Variants in CFD observed in about 807,000 individuals in gnomAD.
The protein encoded by CFD is C3 convertase activator.
In CFD, 24 loss-of-function variants were observed where a neutral mutation model predicts 21.1. That is an observed-to-expected ratio of 1.14 (90% CI 0.82 to 1.60). CFD has a LOEUF of 1.60. Ranked by LOEUF, CFD falls within the 40% of genes most tolerant of loss-of-function variation. CFD has a pLI of 0.00. For synonymous variants in CFD, 242 were observed against 175.9 expected, an observed-to-expected ratio of 1.38 and a Z score of -2.97; for missense variants, 535 against 383.3, an observed-to-expected ratio of 1.40 and a Z score of -3.31.
intron 4 of CFD, among the ~76,000 whole-genome samples, chr19:862,168 G>A (rs907718980): frequency 9.9e-5 from 14 of 141,142 alleles, no homozygotes; most frequent in African/African-American, 2.7e-4. Context: ...GTGGGGCCTT[G>A]GGGGCGAGGC....
rs1212301073 is a variant in CFD at position 863,121 on chromosome 19, G to A, written c.645G>A (p.Gly215=). ...KGDSGGPLVC[G]GVLEGVVTSG... The stretch of plus-strand genomic sequence containing the variant: ...ACTCCGGGGGCCCGCTGGTGTGCGG[G>A]GGCGTGCTCGAGGGCGTGGTCACCT... The change falls in exon 5 of 5, where the codon GGG becomes GGA. Residue 215 remains glycine, a synonymous_variant. Coordinates refer to ENST00000327726, the MANE Select transcript of CFD (RefSeq NM_001928.4). The A allele has an allele frequency of 6.5e-7, 1 of 1,531,678 alleles. No individual in the cohort carries two copies. Among genetic ancestry groups the A allele is most frequent in the Non-Finnish European group, 8.7e-7 (1 of 1,143,238 alleles). The allele number at this position is 1,531,678 out of a possible 1,614,324, so 94.9% of individuals were successfully genotyped here.
intron 3 of CFD, 87 bp from the exon 4 acceptor site, chr19:861,612 C>T: frequency 6.1e-6 from 9 of 1,487,074 alleles, no homozygotes; most frequent in Non-Finnish European, 8.1e-6. Context: ...ATGCCCACCT[C>T]CCCCGTCCCG....
intron 4 of CFD, 98 bp from the exon 5 acceptor site, chr19:862,994 G>A (rs2035828488): frequency 1.7e-6 from 2 of 1,191,682 alleles, no homozygotes; most frequent in South Asian, 1.5e-5. Flanking sequence ...GGATGAGCGA[G>A]CATTGTGGGG....
chr19:863,465 G>A lies in CFD; in HGVS notation c.*227G>A, dbSNP rs2035841271. On this transcript the variant is annotated 3_prime_UTR_variant, in exon 5 of 5. Transcript: ENST00000327726. Reference sequence around the variant, plus strand: ...AATTAGCTGGGCAATTGGCGGGCATGGAGGTGGGTGCTTGTAGTTCCAGCT... The same window carrying A: ...AATTAGCTGGGCAATTGGCGGGCATAGAGGTGGGTGCTTGTAGTTCCAGCT... The A allele has an allele frequency of 3.4e-6, 2 of 594,338 alleles. No homozygotes were observed. Among genetic ancestry groups the A allele is most frequent in the East Asian group, 2.9e-5 (1 of 34,170 alleles). 36.8% of individuals were successfully genotyped at this position (594,338 alleles called of 1,614,324 possible). A position where few individuals can be genotyped will look rare whatever the true frequency, so the allele number is the denominator to read the frequency against.
At chr19:862,064 C>G in intron 4 of CFD, 108 bp downstream of exon 4, 40 of 370,786 alleles carry the variant, frequency 1.1e-4, no homozygotes, top group Non-Finnish European at 1.3e-4. Flanking sequence ...AGGGAAGGGG[C>G]GGGGCGCGTA....
At chr19:861,647 C>T (rs1205698723) in intron 3 of CFD, 52 bp from the exon 4 acceptor site, 8 of 1,549,394 alleles carry the variant, frequency 5.2e-6, no homozygotes, top group Admixed American at 1.9e-5. Context: ...GCGGCATTCT[C>T]CCCAGCCTCG....
At chr19:862,447 G>A (rs1038443178) in intron 4 of CFD, among the ~76,000 whole-genome samples, 1 of 142,008 alleles carries the variant, frequency 7.0e-6, no homozygotes, top group Non-Finnish European at 1.5e-5. Flanking sequence ...CGGGCAAAAG[G>A]GCAGGTGGCA....
chr19:859,705 C>T lies in CFD; in HGVS notation c.16C>T (p.Arg6Cys), dbSNP rs1274465556. Residue 6 changes from arginine to cysteine, a missense_variant, in exon 1 of 5, where the codon CGC (arginine) becomes TGC (cysteine). Coordinates refer to ENST00000327726, the MANE Select transcript of CFD (RefSeq NM_001928.4). Reference protein sequence around the residue: MHSWERLAVLVLLGAA... With the variant: MHSWECLAVLVLLGAA... Reference sequence around the variant, plus strand: ...CGGCTTCACCATGCACAGCTGGGAGCGCCTGGCAGTTCTGGTCCTCCTAGG... The same window carrying T: ...CGGCTTCACCATGCACAGCTGGGAGTGCCTGGCAGTTCTGGTCCTCCTAGG... 3.8e-6 allele frequency: 6 copies of T among 1,572,772 alleles called. No individual in the cohort carries two copies. The highest frequency in any genetic ancestry group is 2.6e-6 in the Non-Finnish European group (3 of 1,159,518).
At chr19:859,966 G>A (rs1790831799) in intron 1 of CFD, among the ~76,000 whole-genome samples, 1 of 152,132 alleles carries the variant, frequency 6.6e-6, no homozygotes, top group Admixed American at 6.6e-5. Flanking sequence ...GAACGTCTGC[G>A]TGGAAAACTT....
At position 861,889 on chromosome 19, in the gene CFD, C is replaced by A. The variant is rs757020824; in HGVS notation, c.548C>A (p.Thr183Lys). Residue 183 changes from threonine (T) to lysine (K), a missense_variant, in exon 4 of 5, where the codon ACG becomes AAG. Transcript: ENST00000327726. ...GACCGCGCCACCTGCAACCGGCGCA[C>A]GCACCACGACGGCGCCATCACCGAG... ...VLDRATCNRR[T>K]HHDGAITERL... The A allele has an allele frequency of 1.9e-6, 3 of 1,584,878 alleles. No homozygotes were observed. The highest frequency in any genetic ancestry group is 2.6e-6 in the Non-Finnish European group (3 of 1,172,480).
Position 863,120 on chromosome 19 carries a change from GGGGCGTGCTCGA to G in CFD, c.652_663del (p.Leu218_Val221del). 1 of 1,531,644 alleles carries G rather than the reference GGGGCGTGCTCGA, an allele frequency of 6.5e-7. No individual in the cohort carries two copies. Among genetic ancestry groups the G allele is most frequent in the Non-Finnish European group, 8.7e-7 (1 of 1,143,212 alleles). The allele number at this position is 1,531,644 out of a possible 1,614,324, so 94.9% of individuals were successfully genotyped here. The stretch of plus-strand genomic sequence containing the variant: ...GACTCCGGGGGCCCGCTGGTGTGCG[GGGGCGTGCTCGA>G]GGGCGTGGTCACCTCGGGCTCGCGC... On this transcript the variant is annotated inframe_deletion, in exon 5 of 5. Transcript: ENST00000327726.
chr19:859,932 C>T (rs545069251), intron 1 of CFD, among the ~76,000 whole-genome samples, 188 bp downstream of exon 1: 132 of 152,308 alleles, frequency 8.7e-4, no homozygotes, highest in African/African-American at 3.0e-3. Context: ...TTTCTGGAGT[C>T]AGCTTTTCTT....
intron 3 of CFD, 90 bp from the exon 4 acceptor site, chr19:861,609 C>T (rs2035794901): frequency 6.8e-7 from 1 of 1,477,898 alleles, no homozygotes; most frequent in African/African-American, 1.4e-5. Flanking sequence ...CTGATGCCCA[C>T]CTCCCCCGTC....
chr19:863,248 G>C lies in CFD; in HGVS notation c.*10G>C. ...CAGCGTCCTGGCCTAGGGTGCCGGG[G>C]CCTGAAGGTCAGGGTCACCCAAGCA... is the stretch of plus-strand genomic sequence containing the variant. On this transcript the variant is annotated 3_prime_UTR_variant, in exon 5 of 5. Transcript: ENST00000327726. 1.3e-6 allele frequency: 2 copies of C among 1,547,376 alleles called. No individual in the cohort carries two copies. Among genetic ancestry groups the C allele is most frequent in the Non-Finnish European group, 1.7e-6 (2 of 1,153,080 alleles).
chr19:863,389 G>T lies in CFD; in HGVS notation c.*151G>T. 1.1e-6 allele frequency: 1 copy of T among 910,938 alleles called. No homozygotes were observed. Among genetic ancestry groups the T allele is most frequent in the Non-Finnish European group, 1.7e-6 (1 of 582,972 alleles). The allele number at this position is 910,938 out of a possible 1,614,324, so 56.4% of individuals were successfully genotyped here. Reference sequence around the variant, plus strand: ...GAGGATCATTGGATCTCAGGAGTTCGAGATCAGCATGGGCCACGTAGCGCG... The same window carrying T: ...GAGGATCATTGGATCTCAGGAGTTCTAGATCAGCATGGGCCACGTAGCGCG... On this transcript the variant is annotated 3_prime_UTR_variant, in exon 5 of 5. Coordinates refer to ENST00000327726, the MANE Select transcript of CFD (RefSeq NM_001928.4).
intron 4 of CFD, 138 bp downstream of exon 4, chr19:862,094 T>C: frequency 3.9e-6 from 3 of 774,818 alleles, no homozygotes; most frequent in African/African-American, 4.7e-5. Flanking sequence ...AACTGGAAGA[T>C]GGGCGGAGCA....
chr19:863,157 C>T lies in CFD; in HGVS notation c.681C>T (p.Arg227=). 2 of 1,535,600 alleles carry T rather than the reference C, an allele frequency of 1.3e-6. No homozygotes were observed. Among genetic ancestry groups the T allele is most frequent in the Non-Finnish European group, 8.7e-7 (1 of 1,146,240 alleles). Residue 227 remains arginine (R), a synonymous_variant, in exon 5 of 5, where the codon CGC becomes CGT. Transcript: ENST00000327726. ...VLEGVVTSGS[R]VCGNRKKPGI... Reference sequence around the variant, plus strand: ...AGGGCGTGGTCACCTCGGGCTCGCGCGTTTGCGGCAACCGCAAGAAGCCCG... The same window carrying T: ...AGGGCGTGGTCACCTCGGGCTCGCGTGTTTGCGGCAACCGCAAGAAGCCCG...
At chr19:862,083 G>T in intron 4 of CFD, 127 bp downstream of exon 4, 4 of 997,446 alleles carry the variant, frequency 4.0e-6, no homozygotes, top group Non-Finnish European at 5.1e-6. Flanking sequence ...TAGGGGGCGG[G>T]AACTGGAAGA....
chr19:860,852 G>T lies in CFD; in HGVS notation c.213-9G>T. On this transcript the variant is annotated splice_polypyrimidine_tract_variant and intron_variant, in intron 2 of 4. Coordinates refer to ENST00000327726, the MANE Select transcript of CFD (RefSeq NM_001928.4). ...CTGGCACCGACCGCGGACTCCGTCC[G>T]GTCCCCAGGGCCGACGGGAAGGTGC... 2 of 1,563,316 alleles carry T rather than the reference G, an allele frequency of 1.3e-6. No individual in the cohort carries two copies. The highest frequency in any genetic ancestry group is 2.4e-5 in the East Asian group (1 of 42,262).
Sources: allele counts gnomAD v4.1 joint callset (sites outside exome capture counted in the v4.1 genomes callset), GRCh38; gene constraint gnomAD v4.1.1; transcripts MANE v1.5; gene names NCBI Gene and HGNC (gene_info 2026-07-23, HGNC 2026-07-21).